Variants in SLC8B1 observed in about 807,000 individuals in gnomAD.
SLC8B1 encodes solute carrier family 8 member B1, also known as mitochondrial sodium/calcium exchanger protein.
SLC8B1 carries 52 observed loss-of-function variants against 63.4 expected under a neutral mutation model. The observed-to-expected ratio is 0.82, with a 90% CI of 0.66 to 1.03. The LOEUF (loss-of-function observed/expected upper bound fraction) is 1.03, where lower values mean the gene tolerates loss of function less well. SLC8B1 is among the 50% of genes least tolerant of loss of function. The probability of loss-of-function intolerance (pLI) is 0.00; values close to 1 mark genes in which losing one functional copy is unlikely to be tolerated. For missense variants in SLC8B1, 657 were observed against 741.7 expected, an observed-to-expected ratio of 0.89 and a Z score of 1.33; for synonymous variants, 336 against 323.9, an observed-to-expected ratio of 1.04 and a Z score of -0.40.
chr12:113,313,887 G>A (rs1184355319), intron 11 of SLC8B1, among the ~76,000 whole-genome samples: 2 of 152,176 alleles, frequency 1.3e-5, no homozygotes, highest in Non-Finnish European at 2.9e-5. Flanking sequence ...GCAGGTGCCT[G>A]TAATCCCAGC....
chr12:113,317,149 G>C, intron 8 of SLC8B1, 148 bp from the exon 9 acceptor site: 17 of 732,274 alleles, frequency 2.3e-5, no homozygotes, highest in Non-Finnish European at 3.5e-5. Context: ...ACCCAGGCTG[G>C]AGTGCAGAGG....
At chr12:113,317,025 A>G (rs1354877189) in intron 8 of SLC8B1, 24 bp from the exon 9 acceptor site, 2 of 1,607,860 alleles carry the variant, frequency 1.2e-6, no homozygotes, top group Non-Finnish European at 8.5e-7. Context: ...GCCCAGTTAC[A>G]TACAGAACCC....
At chr12:113,316,882 T>G in intron 9 of SLC8B1, 60 bp downstream of exon 9, 1 of 1,582,468 alleles carries the variant, frequency 6.3e-7, no homozygotes, top group South Asian at 1.1e-5. Flanking sequence ...GGCCCCATCT[T>G]TCCACCCCCA....
chr12:113,316,381 G>C lies in SLC8B1; in HGVS notation c.993+145C>G, dbSNP rs550147590. The C allele has an allele frequency of 1.8e-5, 20 of 1,133,526 alleles. No individual in the cohort carries two copies. In the African/African-American group the frequency reaches 3.1e-4, roughly 18 times the overall value. The allele number at this position is 1,133,526 out of a possible 1,614,324, so 70.2% of individuals were successfully genotyped here. A position where few individuals can be genotyped will look rare whatever the true frequency, so the allele number is the denominator to read the frequency against. ...GCCATCAGCCAAGCTCCACGCCTCAGTTTCCCCATCAAATCACAAGTCATG... is the reference window on the plus strand; with the variant it reads ...GCCATCAGCCAAGCTCCACGCCTCACTTTCCCCATCAAATCACAAGTCATG... On this transcript the variant is annotated intron_variant, in intron 10 of 15. Transcript: ENST00000680972.
At chr12:113,314,606 A>G (rs1159451927) in intron 11 of SLC8B1, among the ~76,000 whole-genome samples, 1 of 152,164 alleles carries the variant, frequency 6.6e-6, no homozygotes, top group Non-Finnish European at 1.5e-5. Context: ...AGGTCACATA[A>G]ACGAGGGAAG....
chr12:113,321,059 T>C lies in SLC8B1; in HGVS notation c.359A>G (p.Lys120Arg). 1 of 1,612,548 alleles carries C rather than the reference T, an allele frequency of 6.2e-7. No homozygotes were observed. The highest frequency in any genetic ancestry group is 8.5e-7 in the Non-Finnish European group (1 of 1,179,340). ...CGGAGCCCAGAGCCAAACTCACAAC[T>C]TGGCTGCGGTGACTCCCAGAATCAG... ...LFLILGVTAA[K>R]FFCPNLSAIS... Residue 120 changes from lysine (K) to arginine (R), a missense_variant, in exon 4 of 16, where the codon AAG becomes AGG. Coordinates refer to ENST00000680972, the MANE Select transcript of SLC8B1 (RefSeq NM_001358345.2).
chr12:113,307,214 TAAG>T (rs1465847043), intron 13 of SLC8B1, among the ~76,000 whole-genome samples: 3 of 128,022 alleles, frequency 2.3e-5, no homozygotes, highest in South Asian at 2.8e-4. Context: ...TCCACATGAA[TAAG>T]AAGAAGGTGC....
At chr12:113,327,500 C>T (rs932919821) in intron 2 of SLC8B1, among the ~76,000 whole-genome samples, 1 of 152,060 alleles carries the variant, frequency 6.6e-6, no homozygotes, top group Non-Finnish European at 1.5e-5. Flanking sequence ...GCCTGGCCAA[C>T]ATGGTGAAAC....
chr12:113,299,448 C>T lies in SLC8B1; in HGVS notation c.*329G>A. 3.0e-6 allele frequency: 1 copy of T among 331,210 alleles called. No homozygotes were observed. The highest frequency in any genetic ancestry group is 2.8e-5 in the South Asian group (1 of 35,398). 20.5% of individuals were successfully genotyped at this position (331,210 alleles called of 1,614,324 possible). ...GGTACCTCCAGCATGGCCTGGAGCACATCCAGCCATCCCCTTCCCCCAAAC... is the reference window on the plus strand; with the variant it reads ...GGTACCTCCAGCATGGCCTGGAGCATATCCAGCCATCCCCTTCCCCCAAAC... On this transcript the variant is annotated 3_prime_UTR_variant, in exon 16 of 16. Transcript: ENST00000680972.
intron 2 of SLC8B1, among the ~76,000 whole-genome samples, chr12:113,324,159 A>T (rs559962543): frequency 2.0e-5 from 3 of 152,138 alleles, no homozygotes; most frequent in African/African-American, 7.2e-5. Flanking sequence ...AAAAAAATTT[A>T]AAAATGAGCC....
intron 15 of SLC8B1, among the ~76,000 whole-genome samples, chr12:113,301,748 G>T (rs916315585): frequency 6.6e-6 from 1 of 152,206 alleles, no homozygotes; most frequent in Non-Finnish European, 1.5e-5. Context: ...TCTAACAATA[G>T]TCTTGTATGG....
chr12:113,324,148 CA>C (rs1487408493), intron 2 of SLC8B1, among the ~76,000 whole-genome samples: 1 of 151,622 alleles, frequency 6.6e-6, no homozygotes, highest in Non-Finnish European at 1.5e-5. Flanking sequence ...CCCATTGCTA[CA>C]AAAAAATTTA....
intron 2 of SLC8B1, among the ~76,000 whole-genome samples, chr12:113,331,685 ACCT>A (rs1326700634): frequency 6.6e-6 from 1 of 151,730 alleles, no homozygotes; most frequent in Non-Finnish European, 1.5e-5. Flanking sequence ...ACTCAGACTG[ACCT>A]CCTCGCTCTT....
At chr12:113,302,699 G>A (rs766519906) in intron 15 of SLC8B1, 353 of 455,912 alleles carry the variant, frequency 7.7e-4, no homozygotes, top group Non-Finnish European at 1.4e-3. Context: ...CATCCTCCTC[G>A]TCTCCAACCC....
At chr12:113,306,288 T>C (rs369542920) in intron 14 of SLC8B1, among the ~76,000 whole-genome samples, 16 of 152,046 alleles carry the variant, frequency 1.1e-4, no homozygotes, top group Admixed American at 7.9e-4. Context: ...AAGAATTTCA[T>C]TCACCTCACT....
At chr12:113,316,233 A>T (rs1238782730) in intron 10 of SLC8B1, among the ~76,000 whole-genome samples, 2 of 152,090 alleles carry the variant, frequency 1.3e-5, no homozygotes, top group Non-Finnish European at 2.9e-5. Flanking sequence ...CTCAAAAAAA[A>T]AAAAAAGATC....
At chr12:113,313,315 A>T (rs1477129169) in intron 11 of SLC8B1, among the ~76,000 whole-genome samples, 2 of 151,628 alleles carry the variant, frequency 1.3e-5, no homozygotes, top group Admixed American at 1.3e-4. Flanking sequence ...TTCCTTTTCA[A>T]CAAATTTGCC....
At chr12:113,317,447 T>G (rs952448987) in intron 8 of SLC8B1, among the ~76,000 whole-genome samples, 4 of 152,242 alleles carry the variant, frequency 2.6e-5, no homozygotes, top group Admixed American at 2.6e-4. Flanking sequence ...TCAGGGATTC[T>G]TACACAGTGA....
In SLC8B1 at chr12:113,320,563, C is replaced by A; in HGVS notation, c.526+18G>T. The A allele has an allele frequency of 6.2e-7, 1 of 1,614,020 alleles. No homozygotes were observed. ...CTCCTGCTGCTTTCCCCGCCCCCCT[C>A]ACTGGGGCTGCTCTCACCAAACAGT... On this transcript the variant is annotated intron_variant, in intron 6 of 15. Coordinates refer to ENST00000680972, the MANE Select transcript of SLC8B1 (RefSeq NM_001358345.2). This position sits in a 1 kb window ranked among gnomAD's most constrained non-coding sequence, Gnocchi z 5.3.
Sources: gnomAD v4.1 joint callset for allele counts (sites outside exome capture counted in the v4.1 genomes callset) on GRCh38, gnomAD v4.1.1 for gene constraint, Gnocchi (gnomAD v3.1) non-coding constraint, MANE v1.5 for transcripts, NCBI Gene and HGNC (gene_info 2026-07-23, HGNC 2026-07-21) for gene names.